The following KDM5D variants were observed in gnomAD, a reference collection of about 807,000 sequenced individuals.
KDM5D encodes lysine-specific demethylase 5D.
KDM5D carries 25 observed loss-of-function variants against 31.9 expected under a neutral mutation model. The ratio of observed to expected loss-of-function variants is 0.78; its 90% CI spans 0.57 to 1.09. The LOEUF (loss-of-function observed/expected upper bound fraction) is 1.09. KDM5D is among the 50% of genes least tolerant of loss of function. The pLI, the probability that KDM5D is intolerant of heterozygous loss-of-function variation, is 0.00. For synonymous variants in KDM5D, 146 were observed against 122.3 expected, an observed-to-expected ratio of 1.19 and a Z score of -1.28; for missense variants, 366 against 341.6, an observed-to-expected ratio of 1.07 and a Z score of -0.56.
At chrY:19,744,355 C>A in intron 2 of KDM5D, 30 bp downstream of exon 2, 1 of 377,379 alleles carries the variant, frequency 2.6e-6, no homozygotes, top group Non-Finnish European at 3.7e-6. Context: ...CAAAGGCTAC[C>A]CATTCCCAAA....
rs753269430 is a variant in KDM5D, at chrY:19,714,464, C to A, written c.2486+888G>T. ...CTTCACATTCTCTTACCAGTCGGTT[C>A]CTCACCCAGAGAAACTTCCTGTCTT... On this transcript the variant is annotated intron_variant, in intron 18 of 26. Transcript: ENST00000317961. 2.7e-4 allele frequency among the ~76,000 whole-genome samples: 9 copies of A among 33,859 alleles called. No homozygotes were observed. The East Asian group carries it at 6.8e-3, about 26-fold the overall frequency. 90.8% of individuals were successfully genotyped at this position (33,859 alleles called of 37,273 possible). A position where few individuals can be genotyped will look rare whatever the true frequency, so the allele number is the denominator to read the frequency against.
chrY:19,726,559 T>G, intron 11 of KDM5D, among the ~76,000 whole-genome samples: 1 of 31,883 alleles, frequency 3.1e-5, no homozygotes. Flanking sequence ...CTGTCAGGGC[T>G]GGGGGACTAG....
rs777326175 is a variant in KDM5D at position 19,721,215 on chromosome Y, G to A, written c.1468C>T (p.Pro490Ser). 1 of 396,986 alleles carries A rather than the reference G, an allele frequency of 2.5e-6. No individual in the cohort carries two copies. The highest frequency in any genetic ancestry group is 3.5e-6 in the Non-Finnish European group (1 of 282,057). ...AAAACCATGCCCACGTACAGCCAGG[G>A]CACCTTCATGCCTGAGATGTCTGCA... ...INADISGMKV[P>S]WLYVGMVFSA... Residue 490 changes from proline (P) to serine (S), a missense_variant, in exon 12 of 27, where the codon CCC (proline) becomes TCC (serine). Transcript: ENST00000317961.
intron 11 of KDM5D, among the ~76,000 whole-genome samples, chrY:19,730,509 A>G: frequency 3.0e-5 from 1 of 33,615 alleles, no homozygotes; most frequent in African/African-American, 1.2e-4. Flanking sequence ...CAAAGTTACC[A>G]ATGGAGGCTA....
chrY:19,742,815 ACT>A, intron 3 of KDM5D, among the ~76,000 whole-genome samples: 1 of 32,470 alleles, frequency 3.1e-5, no homozygotes, highest in Non-Finnish European at 7.6e-5. Flanking sequence ...ACAGGGTGAG[ACT>A]CTGTTTCAAA....
chrY:19,741,388 G>A lies in KDM5D; in HGVS notation c.452C>T (p.Ser151Phe). ...LHYPPGKNIGSLLRSHYERII... is the reference protein window; with the variant it reads ...LHYPPGKNIGFLLRSHYERII... ...GCGTTCGTAATGTGATCGTAGCAGG[G>A]AGCCAATGTTTTTGCCTGGTGGGTA... is the stretch of plus-strand genomic sequence containing the variant. The change falls in exon 5 of 27, where the codon TCC (serine) becomes TTC (phenylalanine). Residue 151 changes from serine to phenylalanine, a missense_variant. Ser to Phe is a radical substitution (Grantham distance 155). Transcript: ENST00000317961. 1 of 397,669 alleles carries A rather than the reference G, an allele frequency of 2.5e-6. No homozygotes were observed. Among genetic ancestry groups the A allele is most frequent in the Non-Finnish European group, 3.5e-6 (1 of 282,371 alleles).
intron 11 of KDM5D, among the ~76,000 whole-genome samples, chrY:19,729,551 C>T (rs2045457954): frequency 3.0e-5 from 1 of 33,242 alleles, no homozygotes; most frequent in Non-Finnish European, 7.5e-5. Context: ...GACTGAGGGG[C>T]AGTATAGAGA....
chrY:19,743,298 A>G, intron 2 of KDM5D, 59 bp from the exon 3 acceptor site: 1 of 222,750 alleles, frequency 4.5e-6, no homozygotes, highest in Non-Finnish European at 7.5e-6. Context: ...AGATAGTGAA[A>G]ACCACAATCA....
At position 19,744,550 on chromosome Y, in the gene KDM5D, T is replaced by C; in HGVS notation, c.-16A>G. ...CCGGTTCCATGTCGGGCCTTAATGC[T>C]AAGCTGTAAAATAAGAATCACATTG... On this transcript the variant is annotated 5_prime_UTR_variant, in exon 2 of 27. It removes the in-frame stop codon of an upstream open reading frame in the 5' UTR. Transcript: ENST00000317961. 1 of 380,497 alleles carries C rather than the reference T, an allele frequency of 2.6e-6. No homozygotes were observed. The highest frequency in any genetic ancestry group is 3.1e-5 in the South Asian group (1 of 32,381). The allele number at this position is 380,497 out of a possible 400,897, so 94.9% of individuals were successfully genotyped here. A position where few individuals can be genotyped will look rare whatever the true frequency, so the allele number is the denominator to read the frequency against.
At chrY:19,743,316 C>T in intron 2 of KDM5D, 77 bp from the exon 3 acceptor site, 1 of 192,745 alleles carries the variant, frequency 5.2e-6, no homozygotes, top group African/African-American at 9.1e-5. Flanking sequence ...TCATTTGTTC[C>T]CACTCTTTTA....
chrY:19,736,180 T>C (rs2045509946), intron 6 of KDM5D, among the ~76,000 whole-genome samples: 1 of 33,249 alleles, frequency 3.0e-5, no homozygotes, highest in Non-Finnish European at 7.4e-5. Flanking sequence ...GACCACAATA[T>C]AATCACAAAC....
chrY:19,734,880 CATT>C (rs2045497044), intron 8 of KDM5D, among the ~76,000 whole-genome samples: 2 of 30,700 alleles, frequency 6.5e-5, no homozygotes, highest in African/African-American at 2.6e-4. Context: ...ATATGTAAGA[CATT>C]ATAAAAATCT....
chrY:19,714,262 G>A (rs2045318560), intron 18 of KDM5D, among the ~76,000 whole-genome samples: 1 of 33,114 alleles, frequency 3.0e-5, no homozygotes, highest in Non-Finnish European at 7.4e-5. Context: ...AAACCCCCAT[G>A]ACACAAATGT....
At chrY:19,713,110 T>G in intron 18 of KDM5D, among the ~76,000 whole-genome samples, 1 of 33,663 alleles carries the variant, frequency 3.0e-5, no homozygotes, top group Non-Finnish European at 7.3e-5. Context: ...GAAATCTGGC[T>G]GAGCCATATG....
intron 11 of KDM5D, among the ~76,000 whole-genome samples, chrY:19,727,801 C>T (rs2124202903): frequency 3.1e-5 from 1 of 32,596 alleles, no homozygotes; most frequent in African/African-American, 1.2e-4. Context: ...GAAAAATAAT[C>T]AGAAATTCTA....
chrY:19,721,014 T>C lies in KDM5D; in HGVS notation c.1574A>G (p.Tyr525Cys). The change falls in exon 13 of 27, where the codon TAT (tyrosine) becomes TGT (cysteine). Residue 525 changes from tyrosine to cysteine, a missense_variant. By Grantham distance (194) the Tyr-to-Cys change is radical (BLOSUM62 -2). Coordinates refer to ENST00000317961, the MANE Select transcript of KDM5D (RefSeq NM_004653.5). ...YLHWGEPKTW[Y>C]GVPSLAAEHL... ...CTCTGCTGCCAGGGAGGGTACACCA[T>C]ACCAGGTCTTCGGCTCACCCCTGCT... 1 of 397,789 alleles carries C rather than the reference T, an allele frequency of 2.5e-6. No homozygotes were observed. The highest frequency in any genetic ancestry group is 3.5e-6 in the Non-Finnish European group (1 of 283,117).
intron 18 of KDM5D, among the ~76,000 whole-genome samples, chrY:19,711,834 T>C: frequency 3.0e-5 from 1 of 33,581 alleles, no homozygotes; most frequent in East Asian, 7.8e-4. Context: ...AGCATCTCAA[T>C]TATAGCTCAG....
chrY:19,731,680 A>G, intron 11 of KDM5D, 92 bp downstream of exon 11: 2 of 223,710 alleles, frequency 8.9e-6, no homozygotes, highest in Non-Finnish European at 1.5e-5. Context: ...ATATGTGAAG[A>G]CAACACTGTG....
At chrY:19,741,591 C>A in intron 4 of KDM5D, 103 bp from the exon 5 acceptor site, 1 of 242,898 alleles carries the variant, frequency 4.1e-6, no homozygotes, top group East Asian at 1.0e-4. Flanking sequence ...CTTCCCCCAA[C>A]ACCAATCATT....
Sources: allele counts gnomAD v4.1 joint callset (sites outside exome capture counted in the v4.1 genomes callset), GRCh38; gene constraint gnomAD v4.1.1; transcripts MANE v1.5; gene names NCBI Gene and HGNC (gene_info 2026-07-23, HGNC 2026-07-21).